The following WWOX variants were observed in gnomAD, a reference collection of about 807,000 sequenced individuals.
The protein encoded by WWOX is WW domain containing oxidoreductase, also known as WW domain-containing oxidoreductase.
A neutral mutation model predicts 46.2 loss-of-function variants in WWOX; 69 were observed. The ratio of observed to expected loss-of-function variants is 1.49; its 90% CI spans 1.23 to 1.82. WWOX has a LOEUF of 1.82. Among genes scored for constraint, WWOX ranks in the 40% most tolerant of loss-of-function variants. The pLI is 0.00. For synonymous variants in WWOX, 359 were observed against 202.6 expected (o/e 1.77, Z -6.56); for missense variants, 919 against 542.6 (o/e 1.69, Z -6.89).
intron 4 of WWOX, among the ~76,000 whole-genome samples, chr16:78,117,650 T>C (rs2032868936): frequency 6.6e-6 from 1 of 152,210 alleles, no homozygotes; most frequent in African/African-American, 2.4e-5. Flanking sequence ...GTCCTTCTAC[T>C]AAGCTATGAA....
intron 8 of WWOX, among the ~76,000 whole-genome samples, chr16:79,067,650 T>C (rs2150559545): frequency 6.6e-6 from 1 of 151,364 alleles, no homozygotes; most frequent in African/African-American, 2.4e-5. Context: ...GGGGGGGCAC[T>C]TATCACCACC....
intron 8 of WWOX, among the ~76,000 whole-genome samples, chr16:79,029,951 T>C (rs1202982497): frequency 6.6e-6 from 1 of 152,200 alleles, no homozygotes; most frequent in Non-Finnish European, 1.5e-5. Context: ...CCGTTGTGTT[T>C]TATAATTTCT....
chr16:78,557,630 T>G (rs1213557237), intron 8 of WWOX, among the ~76,000 whole-genome samples: 1 of 151,788 alleles, frequency 6.6e-6, no homozygotes, highest in African/African-American at 2.4e-5. Flanking sequence ...CACTGAAAAC[T>G]GTCTTATTTT....
At chr16:78,701,578 T>G (rs2048218931) in intron 8 of WWOX, among the ~76,000 whole-genome samples, 1 of 151,836 alleles carries the variant, frequency 6.6e-6, no homozygotes. Flanking sequence ...CCCGATATAC[T>G]CAACATATAT....
intron 6 of WWOX, among the ~76,000 whole-genome samples, chr16:78,387,678 A>G (rs1400368091): frequency 2.0e-5 from 3 of 152,142 alleles, no homozygotes; most frequent in African/African-American, 7.2e-5. Context: ...ACTAATTACA[A>G]TACTTTGTTT....
intron 8 of WWOX, among the ~76,000 whole-genome samples, chr16:78,695,635 G>A (rs921923208): frequency 1.3e-5 from 2 of 152,114 alleles, no homozygotes; most frequent in African/African-American, 4.8e-5. Flanking sequence ...AAGCAGCCAA[G>A]GTCACAGCTG....
chr16:78,647,873 C>T (rs1442659473), intron 8 of WWOX, among the ~76,000 whole-genome samples: 2 of 151,362 alleles, frequency 1.3e-5, no homozygotes, highest in South Asian at 2.2e-4. Flanking sequence ...TTTTTTCTCT[C>T]TCACTCTGAG....
chr16:79,184,898 T>G (rs2050982887), intron 8 of WWOX, among the ~76,000 whole-genome samples: 2 of 152,212 alleles, frequency 1.3e-5, no homozygotes, highest in African/African-American at 4.8e-5. Context: ...CAAGAACGTG[T>G]TACTTTTTTG....
At chr16:78,879,638 G>A (rs575001342) in intron 8 of WWOX, among the ~76,000 whole-genome samples, 15 of 152,276 alleles carry the variant, frequency 9.9e-5, no homozygotes, top group African/African-American at 3.1e-4. Context: ...AGCGCTTTGG[G>A]AGGCCGAGGC....
chr16:78,517,615 G>A (rs1035568375), intron 8 of WWOX, among the ~76,000 whole-genome samples: 3 of 151,956 alleles, frequency 2.0e-5, no homozygotes, highest in Non-Finnish European at 4.4e-5. Flanking sequence ...ATCCCTCTGC[G>A]TCGCCACATC....
intron 8 of WWOX, among the ~76,000 whole-genome samples, chr16:79,104,643 G>T (rs761953002): frequency 6.6e-6 from 1 of 152,264 alleles, no homozygotes; most frequent in East Asian, 1.9e-4. Flanking sequence ...ATGTACCTTT[G>T]TGTCTCCTTG....
At chr16:78,657,630 TG>T (rs1310631130) in intron 8 of WWOX, among the ~76,000 whole-genome samples, 1 of 152,170 alleles carries the variant, frequency 6.6e-6, no homozygotes, top group Non-Finnish European at 1.5e-5. Context: ...CAGGTTCTGA[TG>T]ACAGATTTTA....
At chr16:78,154,942 G>A (rs962614454) in intron 4 of WWOX, among the ~76,000 whole-genome samples, 8 of 152,206 alleles carry the variant, frequency 5.3e-5, no homozygotes, top group Admixed American at 1.3e-4. Flanking sequence ...CAGTGGCCTG[G>A]CGGGTAATGC....
chr16:78,919,697 T>C (rs1410023303), intron 8 of WWOX, among the ~76,000 whole-genome samples: 1 of 151,994 alleles, frequency 6.6e-6, no homozygotes, highest in Non-Finnish European at 1.5e-5. Flanking sequence ...TTTGTATTTT[T>C]AGGAGAGAGG....
intron 8 of WWOX, among the ~76,000 whole-genome samples, chr16:79,079,556 C>T (rs1422816171): frequency 6.6e-6 from 1 of 152,146 alleles, no homozygotes; most frequent in African/African-American, 2.4e-5. Context: ...CCCCTAGTCA[C>T]CTGGTGCTTT....
At chr16:78,793,408 A>T (rs973853872) in intron 8 of WWOX, among the ~76,000 whole-genome samples, 1 of 152,162 alleles carries the variant, frequency 6.6e-6, no homozygotes, top group Non-Finnish European at 1.5e-5. Flanking sequence ...TGCACAGACT[A>T]TACGGCTGCT....
intron 8 of WWOX, among the ~76,000 whole-genome samples, chr16:78,581,776 C>G (rs904444226): frequency 1.2e-4 from 19 of 152,164 alleles, no homozygotes; most frequent in African/African-American, 4.6e-4. Flanking sequence ...CTTTAGATGA[C>G]AGGACTTAAT....
At chr16:78,794,418 C>G (rs2050685959) in intron 8 of WWOX, among the ~76,000 whole-genome samples, 1 of 152,144 alleles carries the variant, frequency 6.6e-6, no homozygotes, top group Admixed American at 6.5e-5. Context: ...ATAAAAGCTA[C>G]CCAGCTTAGA....
At chr16:78,457,655 T>G (rs1210697475) in intron 8 of WWOX, among the ~76,000 whole-genome samples, 1 of 152,136 alleles carries the variant, frequency 6.6e-6, no homozygotes, top group African/African-American at 2.4e-5. Context: ...GGCTCATGCC[T>G]GTAATCCCAG....
Sources: gnomAD v4.1 joint callset for allele counts (sites outside exome capture counted in the v4.1 genomes callset) on GRCh38, gnomAD v4.1.1 for gene constraint, MANE v1.5 for transcripts, NCBI Gene and HGNC (gene_info 2026-07-23, HGNC 2026-07-21) for gene names.